PIK3C3: variants seen among roughly 807,000 people sequenced by gnomAD.
PIK3C3 encodes PI3-kinase type 3.
A neutral mutation model predicts 126.1 loss-of-function variants in PIK3C3; 95 were observed. The observed-to-expected ratio is 0.75, with a 90% confidence interval of 0.64 to 0.89. The LOEUF is 0.89. Ranked by LOEUF, PIK3C3 falls within the 40% of genes least tolerant of loss-of-function variation. PIK3C3 has a pLI of 0.00. For synonymous variants in PIK3C3, 374 were observed against 360.0 expected, an observed-to-expected ratio of 1.04 and a Z score of -0.44; for missense variants, 829 against 1,063.2, an observed-to-expected ratio of 0.78 and a Z score of 3.06.
chr18:41,993,515 A>C (rs994610669), intron 7 of PIK3C3, among the ~76,000 whole-genome samples, 174 bp downstream of exon 7: 4 of 152,144 alleles, frequency 2.6e-5, no homozygotes, highest in Non-Finnish European at 5.9e-5. Flanking sequence ...TTTTATGAGG[A>C]ATATTAACAT....
intron 21 of PIK3C3, among the ~76,000 whole-genome samples, chr18:42,056,350 C>T (rs1016008370): frequency 6.6e-6 from 1 of 152,034 alleles, no homozygotes; most frequent in African/African-American, 2.4e-5. Context: ...ATATACTCTT[C>T]GTTTGTAAAC....
intron 2 of PIK3C3, among the ~76,000 whole-genome samples, chr18:41,958,622 T>G (rs908545938): frequency 6.6e-6 from 1 of 152,166 alleles, no homozygotes; most frequent in Admixed American, 6.5e-5. Context: ...TGTAATTTCT[T>G]CAGTAGTCTT....
Position 42,082,669 on chromosome 18 carries a change from T to C in PIK3C3, c.*1532T>C, listed in dbSNP as rs1314984665. The C allele has an allele frequency of 6.6e-6, 1 of 152,238 alleles. No homozygotes were observed. The highest frequency in any genetic ancestry group is 1.5e-5 in the Non-Finnish European group (1 of 68,040). The allele number at this position is 152,238 out of a possible 1,614,324, so 9.4% of individuals were successfully genotyped here. ...AAACTTTTCTCTGAATTACCCTTGT[T>C]GAAACTGACCTTTCTTCCGTGTGAA... On this transcript the variant is annotated 3_prime_UTR_variant, in exon 25 of 25. Coordinates refer to ENST00000262039, the MANE Select transcript of PIK3C3 (RefSeq NM_002647.4).
intron 4 of PIK3C3, among the ~76,000 whole-genome samples, chr18:41,978,461 A>C (rs774088025): frequency 1.3e-5 from 2 of 152,234 alleles, no homozygotes; most frequent in Non-Finnish European, 2.9e-5. Flanking sequence ...CTATAAGGGA[A>C]GATAACCCAA....
intron 4 of PIK3C3, among the ~76,000 whole-genome samples, chr18:41,981,436 T>C (rs1420261233): frequency 6.6e-6 from 1 of 152,208 alleles, no homozygotes; most frequent in Non-Finnish European, 1.5e-5. Context: ...CAAATACTAC[T>C]CTTCCTGAAT....
At chr18:42,018,839 C>CT (rs1395208023) in intron 12 of PIK3C3, among the ~76,000 whole-genome samples, 1 of 152,132 alleles carries the variant, frequency 6.6e-6, no homozygotes, top group Non-Finnish European at 1.5e-5. Flanking sequence ...TAATTACCTA[C>CT]TTTCGCTATG....
intron 2 of PIK3C3, among the ~76,000 whole-genome samples, chr18:41,959,637 T>C (rs944849192): frequency 6.6e-6 from 1 of 151,872 alleles, no homozygotes; most frequent in African/African-American, 2.4e-5. Context: ...CTATTAAAAA[T>C]ACAAAAATTG....
chr18:42,047,010 TGAGTA>T (rs1206084950), intron 20 of PIK3C3, among the ~76,000 whole-genome samples: 2 of 152,192 alleles, frequency 1.3e-5, no homozygotes, highest in Non-Finnish European at 2.9e-5. Flanking sequence ...AATTTGATGA[TGAGTA>T]GTTTATAGAA....
chr18:42,050,084 T>G (rs1013851937), intron 21 of PIK3C3: 1 of 152,780 alleles, frequency 6.5e-6, no homozygotes, highest in African/African-American at 2.4e-5. Context: ...TCCTTTCCCT[T>G]TTAAGAATTG....
At chr18:42,063,997 G>C (rs1403325336) in intron 22 of PIK3C3, among the ~76,000 whole-genome samples, 1 of 152,120 alleles carries the variant, frequency 6.6e-6, no homozygotes, top group Non-Finnish European at 1.5e-5. Flanking sequence ...TCCCAGTGGA[G>C]ATTTATTTAA....
chr18:42,022,806 A>T (rs75161814), intron 13 of PIK3C3, among the ~76,000 whole-genome samples: 1 of 152,172 alleles, frequency 6.6e-6, no homozygotes, highest in Non-Finnish European at 1.5e-5. Flanking sequence ...GTTAATCACT[A>T]TTCTTTCTTT....
intron 24 of PIK3C3, among the ~76,000 whole-genome samples, chr18:42,074,604 A>G (rs1193403143): frequency 6.6e-6 from 1 of 150,756 alleles, no homozygotes; most frequent in African/African-American, 2.4e-5. Flanking sequence ...GCTGCAAAAC[A>G]AACTATTGCA....
intron 19 of PIK3C3, 49 bp from the exon 20 acceptor site, chr18:42,043,684 T>C: frequency 8.2e-7 from 1 of 1,219,986 alleles, no homozygotes; most frequent in Non-Finnish European, 1.2e-6. Flanking sequence ...AAACACCTAG[T>C]TTGTTTGTTT....
chr18:41,956,900 C>T (rs1407776061), intron 1 of PIK3C3, among the ~76,000 whole-genome samples: 1 of 152,070 alleles, frequency 6.6e-6, no homozygotes, highest in African/African-American at 2.4e-5. Context: ...ATATAAAATG[C>T]CTGGCACAGT....
chr18:42,034,653 A>G (rs1300483477), intron 16 of PIK3C3, among the ~76,000 whole-genome samples: 1 of 152,216 alleles, frequency 6.6e-6, no homozygotes, highest in Non-Finnish European at 1.5e-5. Context: ...CAGCTGATGC[A>G]GCAGCCTTCT....
At chr18:41,980,146 A>T (rs889498580) in intron 4 of PIK3C3, among the ~76,000 whole-genome samples, 1 of 152,120 alleles carries the variant, frequency 6.6e-6, no homozygotes, top group Non-Finnish European at 1.5e-5. Flanking sequence ...TTGTTTTCAG[A>T]ATTTAACACT....
chr18:42,020,823 A>T (rs1348509015), intron 13 of PIK3C3, 118 bp downstream of exon 13: 2 of 621,690 alleles, frequency 3.2e-6, no homozygotes, highest in Non-Finnish European at 5.7e-6. Context: ...AAGTCTAGAT[A>T]TAGTATTTAT....
intron 19 of PIK3C3, among the ~76,000 whole-genome samples, chr18:42,043,349 C>A (rs1984412450): frequency 6.6e-6 from 1 of 152,070 alleles, no homozygotes; most frequent in African/African-American, 2.4e-5. Flanking sequence ...CCTCGGCCTC[C>A]CAAAGTGCTG....
At chr18:42,005,736 T>A (rs1982512988) in intron 10 of PIK3C3, among the ~76,000 whole-genome samples, 1 of 145,254 alleles carries the variant, frequency 6.9e-6, no homozygotes, top group Admixed American at 7.1e-5. Context: ...GGTATCTGAA[T>A]TTCAAGAAGC....
Sources: allele counts gnomAD v4.1 joint callset (sites outside exome capture counted in the v4.1 genomes callset), GRCh38; gene constraint gnomAD v4.1.1; transcripts MANE v1.5; gene names NCBI Gene and HGNC (gene_info 2026-07-23, HGNC 2026-07-21).